CXCL13: variants seen among roughly 807,000 people sequenced by gnomAD.
The protein encoded by CXCL13 is C-X-C motif chemokine 13.
In CXCL13, 7 loss-of-function variants were observed where a neutral mutation model predicts 12.2. That is an observed-to-expected ratio of 0.57 (90% confidence interval 0.33 to 1.07). The LOEUF is 1.07. CXCL13 is among the 50% of genes least tolerant of loss of function. The pLI, the probability that CXCL13 is intolerant of heterozygous loss-of-function variation, is 0.04. For synonymous variants in CXCL13, 47 were observed against 42.4 expected (o/e 1.11, Z -0.42); for missense variants, 113 against 127.4 (o/e 0.89, Z 0.55).
chr4:77,566,582 GA>G (rs2109815918), intron 1 of CXCL13, among the ~76,000 whole-genome samples: 1 of 151,824 alleles, frequency 6.6e-6, no homozygotes, highest in South Asian at 2.1e-4. Context: ...AAAAATCCTT[GA>G]GGTGCAAAAT....
intron 1 of CXCL13, among the ~76,000 whole-genome samples, chr4:77,524,863 C>T (rs914789158): frequency 6.6e-6 from 1 of 152,144 alleles, no homozygotes; most frequent in Non-Finnish European, 1.5e-5. Context: ...AACAGAGCAC[C>T]ACTTTAGTGT....
chr4:77,519,287 G>A (rs1295505598), intron 1 of CXCL13, among the ~76,000 whole-genome samples: 3 of 152,200 alleles, frequency 2.0e-5, no homozygotes, highest in Non-Finnish European at 4.4e-5. Flanking sequence ...CAGATCTCCA[G>A]CTGCGTGCTG....
At chr4:77,526,232 A>G (rs2110082310) in intron 1 of CXCL13, among the ~76,000 whole-genome samples, 1 of 152,094 alleles carries the variant, frequency 6.6e-6, no homozygotes, top group East Asian at 2.0e-4. Context: ...TTCATGGCAA[A>G]TATTAAATAA....
At chr4:77,548,892 G>A (rs1247011742) in intron 1 of CXCL13, among the ~76,000 whole-genome samples, 6 of 152,304 alleles carry the variant, frequency 3.9e-5, no homozygotes, top group African/African-American at 1.2e-4. Context: ...GCATTGCTAG[G>A]TTGGGGAAGG....
intron 1 of CXCL13, among the ~76,000 whole-genome samples, chr4:77,549,687 A>G (rs1045591660): frequency 2.4e-4 from 37 of 152,018 alleles, no homozygotes; most frequent in African/African-American, 8.2e-4. Flanking sequence ...AGCAAATGTT[A>G]CTGCCTGATC....
chr4:77,589,072 C>T (rs1438693874), intron 1 of CXCL13, among the ~76,000 whole-genome samples: 2 of 152,202 alleles, frequency 1.3e-5, no homozygotes, highest in African/African-American at 4.8e-5. Context: ...CTTACAAGAG[C>T]CTTCCTTTGA....
intron 1 of CXCL13, among the ~76,000 whole-genome samples, chr4:77,607,030 C>T (rs551417297): frequency 2.6e-5 from 4 of 152,208 alleles, no homozygotes; most frequent in African/African-American, 9.6e-5. Context: ...AGAGGACCAA[C>T]ATATCAAACA....
intron 1 of CXCL13, among the ~76,000 whole-genome samples, chr4:77,593,612 A>T (rs1274122240): frequency 6.6e-6 from 1 of 152,250 alleles, no homozygotes. Context: ...ACTTTCGCAT[A>T]CCTTAACTTC....
intron 1 of CXCL13, among the ~76,000 whole-genome samples, chr4:77,564,832 T>G (rs906717342): frequency 1.3e-5 from 2 of 152,110 alleles, no homozygotes; most frequent in Non-Finnish European, 2.9e-5. Context: ...AGTGGAGAAG[T>G]GAAAAGAGAA....
chr4:77,517,558 G>A (rs1724458887), intron 1 of CXCL13, among the ~76,000 whole-genome samples: 1 of 152,336 alleles, frequency 6.6e-6, no homozygotes, highest in Admixed American at 6.5e-5. Flanking sequence ...TTACCACTAT[G>A]TAATGGCCTT....
chr4:77,598,406 C>T (rs1215602467), intron 1 of CXCL13, among the ~76,000 whole-genome samples: 1 of 152,194 alleles, frequency 6.6e-6, no homozygotes, highest in African/African-American at 2.4e-5. Flanking sequence ...CCCTTCGTCC[C>T]TTTCAGAGCC....
At chr4:77,578,999 C>T (rs1310963817) in intron 1 of CXCL13, among the ~76,000 whole-genome samples, 1 of 152,180 alleles carries the variant, frequency 6.6e-6, no homozygotes, top group Non-Finnish European at 1.5e-5. Flanking sequence ...CTTCCTTCAT[C>T]ATCTTTTCTT....
At chr4:77,529,700 A>G (rs1184707561) in intron 1 of CXCL13, among the ~76,000 whole-genome samples, 2 of 152,336 alleles carry the variant, frequency 1.3e-5, no homozygotes, top group East Asian at 3.9e-4. Context: ...TTTTCTAGAT[A>G]TAGAATCATG....
At chr4:77,559,103 C>T (rs1560525843) in intron 1 of CXCL13, among the ~76,000 whole-genome samples, 1 of 152,218 alleles carries the variant, frequency 6.6e-6, no homozygotes, top group Non-Finnish European at 1.5e-5. Flanking sequence ...AAACAACCAT[C>T]TCACGCTGGG....
intron 1 of CXCL13, among the ~76,000 whole-genome samples, chr4:77,572,713 A>C (rs1252148525): frequency 6.6e-6 from 1 of 151,970 alleles, no homozygotes; most frequent in Non-Finnish European, 1.5e-5. Flanking sequence ...ATACCATTTG[A>C]CCCAGCAATT....
At chr4:77,531,451 G>A (rs534394974) in intron 1 of CXCL13, among the ~76,000 whole-genome samples, 2 of 151,936 alleles carry the variant, frequency 1.3e-5, no homozygotes, top group South Asian at 4.2e-4. Context: ...TTGCTGAGGA[G>A]TGCTTTACTT....
chr4:77,551,771 CT>C (rs1407585982), intron 1 of CXCL13, among the ~76,000 whole-genome samples: 1 of 152,006 alleles, frequency 6.6e-6, no homozygotes, highest in African/African-American at 2.4e-5. Context: ...TTCTCAAAGA[CT>C]TTGTTTATTT....
At chr4:77,513,577 G>A (rs1204046128) in intron 1 of CXCL13, among the ~76,000 whole-genome samples, 2 of 151,762 alleles carry the variant, frequency 1.3e-5, no homozygotes, top group Non-Finnish European at 1.5e-5. Flanking sequence ...TCAGCCTCCT[G>A]AGTAGCTGGG....
chr4:77,516,454 G>A (rs1304899853), intron 1 of CXCL13, among the ~76,000 whole-genome samples: 2 of 152,180 alleles, frequency 1.3e-5, no homozygotes, highest in Non-Finnish European at 2.9e-5. Flanking sequence ...CTTTTAGTGG[G>A]TAAGCTATTG....
Sources: allele counts gnomAD v4.1 joint callset (sites outside exome capture counted in the v4.1 genomes callset), GRCh38; gene constraint gnomAD v4.1.1; transcripts MANE v1.5; gene names NCBI Gene and HGNC (gene_info 2026-07-23, HGNC 2026-07-21).